PPP2R2B: variants seen among roughly 807,000 people sequenced by gnomAD.
PPP2R2B encodes serine/threonine-protein phosphatase 2A 55 kDa regulatory subunit B beta isoform.
A neutral mutation model predicts 46.0 loss-of-function variants in PPP2R2B; 5 were observed. The ratio of observed to expected loss-of-function variants is 0.11; its 90% CI spans 0.06 to 0.23. The LOEUF is 0.23. Ranked by LOEUF, PPP2R2B falls within the 10% of genes least tolerant of loss-of-function variation. The pLI, the probability that PPP2R2B is intolerant of heterozygous loss-of-function variation, is 1.00. For synonymous variants in PPP2R2B, 215 were observed against 206.7 expected (o/e 1.04, Z -0.34); for missense variants, 367 against 575.0 (o/e 0.64, Z 3.70).
At chr5:146,858,043 A>G (rs933121839) in intron 2 of PPP2R2B, among the ~76,000 whole-genome samples, 2 of 152,092 alleles carry the variant, frequency 1.3e-5, no homozygotes, top group African/African-American at 4.8e-5. Flanking sequence ...ACTACCTACT[A>G]TTTTCCTGGG....
At chr5:146,616,513 T>TCAAA (rs1489797549) in intron 7 of PPP2R2B, among the ~76,000 whole-genome samples, 1 of 151,472 alleles carries the variant, frequency 6.6e-6, no homozygotes, top group African/African-American at 2.4e-5. Context: ...TAGAAGGAGC[T>TCAAA]CAAACAATTC....
At chr5:147,029,673 TA>T (rs1755687461) in intron 1 of PPP2R2B, among the ~76,000 whole-genome samples, 1 of 152,100 alleles carries the variant, frequency 6.6e-6, no homozygotes, top group Non-Finnish European at 1.5e-5. Context: ...AATAAGGTTA[TA>T]AAAGTGAGGT....
chr5:146,698,812 C>T (rs1031381822), intron 3 of PPP2R2B, among the ~76,000 whole-genome samples: 1 of 151,570 alleles, frequency 6.6e-6, no homozygotes, highest in Middle Eastern at 3.4e-3. Context: ...ATGCTACCTG[C>T]ATCATTAAGG....
At chr5:146,718,354 C>T (rs1780611186) in intron 2 of PPP2R2B, among the ~76,000 whole-genome samples, 1 of 151,580 alleles carries the variant, frequency 6.6e-6, no homozygotes, top group African/African-American at 2.4e-5. Context: ...CACCACTGTA[C>T]TACAGCCTGG....
At position 146,644,009 on chromosome 5, in the gene PPP2R2B, T is replaced by G. The variant is rs191075194; in HGVS notation, c.626-5594A>C. Among the ~76,000 whole-genome samples the G allele has an allele frequency of 4.5e-3, 689 of 152,214 alleles. 19 individuals are homozygous for G. The highest frequency in any genetic ancestry group is 0.041 in the Admixed American group (629 of 15,284). On this transcript the variant is annotated intron_variant, in intron 6 of 9. Transcript: ENST00000394411. ...GGGTGTGGCTGTGTTCCAACAAAAC[T>G]TTACTTACAAAAACACTTTGGGATA...
intron 7 of PPP2R2B, among the ~76,000 whole-genome samples, chr5:146,630,481 G>A (rs550953858): frequency 1.3e-5 from 2 of 152,280 alleles, no homozygotes; most frequent in South Asian, 2.1e-4. Flanking sequence ...AAGAGCTACA[G>A]GTGGTCTGGC....
chr5:146,861,064 T>C (rs976915752), intron 2 of PPP2R2B, among the ~76,000 whole-genome samples: 21 of 138,004 alleles, frequency 1.5e-4, no homozygotes, highest in Non-Finnish European at 3.1e-5. Context: ...CTTTTTTTTT[T>C]TTTTTTTTTT....
intron 1 of PPP2R2B, among the ~76,000 whole-genome samples, chr5:146,952,753 C>T (rs1751673291): frequency 6.6e-6 from 1 of 152,094 alleles, no homozygotes; most frequent in Admixed American, 6.6e-5. Flanking sequence ...AGGATCTGGT[C>T]TGGTGATAGA....
intron 5 of PPP2R2B, among the ~76,000 whole-genome samples, chr5:146,654,766 T>C (rs139317288): frequency 6.6e-6 from 1 of 152,182 alleles, no homozygotes; most frequent in East Asian, 1.9e-4. Context: ...ACCTTGTCCA[T>C]GGTCACCCTT....
At chr5:147,010,996 TC>T (rs1418994328) in intron 1 of PPP2R2B, among the ~76,000 whole-genome samples, 1 of 152,058 alleles carries the variant, frequency 6.6e-6, no homozygotes, top group Non-Finnish European at 1.5e-5. Flanking sequence ...CTCAAAACCC[TC>T]CAGTGGCTGC....
chr5:146,749,935 T>A (rs568796444), intron 2 of PPP2R2B, among the ~76,000 whole-genome samples: 39 of 152,268 alleles, frequency 2.6e-4, no homozygotes, highest in African/African-American at 9.1e-4. Flanking sequence ...TAGCTTCACA[T>A]TTTATATCTA....
At chr5:146,629,737 C>CCCTT (rs1774300902) in intron 7 of PPP2R2B, among the ~76,000 whole-genome samples, 1 of 110,326 alleles carries the variant, frequency 9.1e-6, no homozygotes, top group Non-Finnish European at 2.1e-5. Flanking sequence ...CTCTCTTCCT[C>CCCTT]CCTTCCTCCC....
chr5:146,910,063 T>A (rs998738442), intron 1 of PPP2R2B, among the ~76,000 whole-genome samples: 2 of 152,220 alleles, frequency 1.3e-5, no homozygotes, highest in Non-Finnish European at 2.9e-5. Flanking sequence ...TGAATAATGT[T>A]GAGATAGTCC....
intron 2 of PPP2R2B, among the ~76,000 whole-genome samples, chr5:146,724,209 T>A (rs1299834774): frequency 6.6e-6 from 1 of 152,114 alleles, no homozygotes; most frequent in Admixed American, 6.5e-5. Context: ...GATTCCCACA[T>A]GATTTCAAAT....
At chr5:146,823,152 A>T (rs528340114) in intron 2 of PPP2R2B, among the ~76,000 whole-genome samples, 49 of 152,224 alleles carry the variant, frequency 3.2e-4, no homozygotes, top group African/African-American at 8.7e-4. Flanking sequence ...CAGCCTGCAT[A>T]TCACTACCTA....
chr5:146,686,597 A>G (rs1307628255), intron 5 of PPP2R2B, among the ~76,000 whole-genome samples: 2 of 151,422 alleles, frequency 1.3e-5, no homozygotes, highest in Non-Finnish European at 2.9e-5. Context: ...ATGTTTGAAT[A>G]AAATCCATTC....
At chr5:147,035,224 G>A (rs893399077) in intron 1 of PPP2R2B, 7 of 429,446 alleles carry the variant, frequency 1.6e-5, no homozygotes, top group South Asian at 1.2e-4. Flanking sequence ...AGAAGGCGAA[G>A]GGGAAGCAAG....
chr5:146,653,574 C>G (rs1581798726), intron 5 of PPP2R2B, among the ~76,000 whole-genome samples: 1 of 152,156 alleles, frequency 6.6e-6, no homozygotes, highest in South Asian at 2.1e-4. Context: ...GCAGGACTTC[C>G]TGTGGCTCCT....
intron 1 of PPP2R2B, among the ~76,000 whole-genome samples, chr5:146,923,129 T>A (rs1763664790): frequency 6.6e-6 from 1 of 152,212 alleles, no homozygotes; most frequent in Non-Finnish European, 1.5e-5. Flanking sequence ...AATTTCTTTT[T>A]TTGTTTAGCC....
Sources: gnomAD v4.1 joint callset for allele counts (sites outside exome capture counted in the v4.1 genomes callset) on GRCh38, gnomAD v4.1.1 for gene constraint, MANE v1.5 for transcripts, NCBI Gene and HGNC (gene_info 2026-07-23, HGNC 2026-07-21) for gene names.